Variants in LMLN observed in about 807,000 individuals in gnomAD.
LMLN encodes leishmanolysin-like peptidase.
In LMLN, 70 loss-of-function variants were observed where a neutral mutation model predicts 92.3. The observed-to-expected ratio is 0.76, with a 90% confidence interval of 0.63 to 0.92. LMLN has a LOEUF of 0.92. Among genes scored for constraint, LMLN ranks in the 40% least tolerant of loss-of-function variants. The probability of loss-of-function intolerance (pLI) is 0.00; values close to 1 mark genes in which losing one functional copy is unlikely to be tolerated. For synonymous variants in LMLN, 308 were observed against 296.2 expected, an observed-to-expected ratio of 1.04 and a Z score of -0.41; for missense variants, 691 against 814.6, an observed-to-expected ratio of 0.85 and a Z score of 1.85.
chr3:198,017,127 A>C (rs1722661041), intron 11 of LMLN, among the ~76,000 whole-genome samples: 1 of 152,174 alleles, frequency 6.6e-6, no homozygotes, highest in Admixed American at 6.6e-5. Context: ...AAAAACAAAA[A>C]ATCGACAAGG....
At chr3:198,021,450 T>C in exon 13 of LMLN, 1 of 1,613,952 alleles carries the variant, frequency 6.2e-7, no homozygotes, top group East Asian at 2.2e-5. Context: ...CTGCAGTACT[T>C]TGATGAACTC....
At chr3:198,006,314 C>T (rs1722292479) in intron 11 of LMLN, among the ~76,000 whole-genome samples, 1 of 152,134 alleles carries the variant, frequency 6.6e-6, no homozygotes, top group African/African-American at 2.4e-5. Context: ...TTTAAACATT[C>T]ACACTTTGAA....
At chr3:198,030,221 A>G (rs567962744) in intron 14 of LMLN, among the ~76,000 whole-genome samples, 13 of 152,294 alleles carry the variant, frequency 8.5e-5, no homozygotes, top group African/African-American at 2.9e-4. Flanking sequence ...GACTTTGGAA[A>G]ATAAGAATTT....
intron 12 of LMLN, 35 bp from the exon 14 acceptor site, chr3:198,021,408 TTTC>T (rs1722778947): frequency 6.3e-7 from 1 of 1,597,828 alleles, no homozygotes; most frequent in Non-Finnish European, 8.6e-7. Context: ...ATACAGAATG[TTTC>T]TTACTTTCTT....
intron 10 of LMLN, among the ~76,000 whole-genome samples, chr3:197,997,244 C>T (rs1332180701): frequency 2.0e-5 from 3 of 152,094 alleles, no homozygotes; most frequent in Non-Finnish European, 2.9e-5. Flanking sequence ...CTTCTCTCAC[C>T]TCAGCCTACT....
intron 11 of LMLN, among the ~76,000 whole-genome samples, chr3:198,017,894 C>T (rs1257079562): frequency 5.3e-5 from 8 of 152,018 alleles, no homozygotes; most frequent in Admixed American, 3.3e-4. Context: ...TCCAGCCTGG[C>T]GACAGAGCAA....
At chr3:198,011,465 A>G (rs1169256010) in intron 11 of LMLN, among the ~76,000 whole-genome samples, 1 of 151,792 alleles carries the variant, frequency 6.6e-6, no homozygotes, top group African/African-American at 2.4e-5. Context: ...ATCCTTTTTT[A>G]TGGCTGCATA....
At position 197,976,807 on chromosome 3, in the gene LMLN, G is replaced by C. The variant is rs764124082; in HGVS notation, c.549+92G>C. On this transcript the variant is annotated intron_variant, in intron 5 of 15. Coordinates refer to ENST00000330198, the Ensembl canonical transcript of LMLN. ...AATTTTTACAGATTCAAGTTCAAAG[G>C]CTTAGTAGCTTCCTTGGTCTACAAA... is the stretch of plus-strand genomic sequence containing the variant. 2.2e-5 allele frequency: 12 copies of C among 540,834 alleles called. No individual in the cohort carries two copies. The East Asian group carries it at 3.7e-4, about 17-fold the overall frequency. 33.5% of individuals were successfully genotyped at this position (540,834 alleles called of 1,614,324 possible).
intron 10 of LMLN, among the ~76,000 whole-genome samples, chr3:197,996,892 C>A (rs1474071274): frequency 6.6e-6 from 1 of 152,224 alleles, no homozygotes; most frequent in Non-Finnish European, 1.5e-5. Context: ...AGCAGTCCTC[C>A]TGCCTCAGCC....
chr3:198,020,681 C>T (rs535452736), intron 12 of LMLN, among the ~76,000 whole-genome samples: 1 of 151,524 alleles, frequency 6.6e-6, no homozygotes, highest in East Asian at 1.9e-4. Flanking sequence ...TCAACCTCTG[C>T]CTCCCAGGTT....
chr3:198,034,467 T>TG (rs1230748163), intron 14 of LMLN, among the ~76,000 whole-genome samples: 1 of 151,978 alleles, frequency 6.6e-6, no homozygotes, highest in Non-Finnish European at 1.5e-5. Flanking sequence ...AAAATTTAGC[T>TG]GGGTGTGGTA....
At chr3:197,965,046 C>T (rs1721015485) in intron 1 of LMLN, among the ~76,000 whole-genome samples, 1 of 151,628 alleles carries the variant, frequency 6.6e-6, no homozygotes, top group Non-Finnish European at 1.5e-5. Context: ...ACAAGGTGTC[C>T]CTCTGTCACC....
chr3:198,038,210 T>C (rs575669795), intron 15 of LMLN: 2 of 227,328 alleles, frequency 8.8e-6, no homozygotes, highest in African/African-American at 4.6e-5. Context: ...TGATAAATTA[T>C]ATGGTCACCC....
Position 197,979,514 on chromosome 3 carries a change from A to G in LMLN, c.550-812A>G, listed in dbSNP as rs184927878. 3.0e-3 allele frequency among the ~76,000 whole-genome samples: 464 copies of G among 152,212 alleles called. 1 individual carries two copies. The highest frequency in any genetic ancestry group is 0.01 in the African/African-American group (436 of 41,534). On this transcript the variant is annotated intron_variant, in intron 5 of 15. Transcript: ENST00000330198. ...TGGTCAATATAGTGAGACCCCGTCT[A>G]TATATATTTAAAAAATTTTTAGGCT...
At chr3:197,968,171 A>G (rs1021047635) in intron 1 of LMLN, among the ~76,000 whole-genome samples, 2 of 152,198 alleles carry the variant, frequency 1.3e-5, no homozygotes, top group Non-Finnish European at 2.9e-5. Context: ...CAGGCGTAAG[A>G]AGTTATAAGA....
intron 8 of LMLN, among the ~76,000 whole-genome samples, chr3:197,988,563 G>A (rs1229719388): frequency 4.1e-5 from 6 of 145,848 alleles, no homozygotes; most frequent in South Asian, 2.2e-4. Flanking sequence ...TCATGATCAC[G>A]GCTTACTGCA....
At chr3:197,984,271 G>T (rs1253445139) in intron 7 of LMLN, among the ~76,000 whole-genome samples, 2 of 152,054 alleles carry the variant, frequency 1.3e-5, no homozygotes. Context: ...GGAGGCTGAG[G>T]TGGGAGGATG....
intron 5 of LMLN, among the ~76,000 whole-genome samples, chr3:197,977,646 A>G (rs1344345539): frequency 6.6e-6 from 1 of 152,158 alleles, no homozygotes; most frequent in Non-Finnish European, 1.5e-5. Flanking sequence ...ATCTGGATAC[A>G]TATAAAAATC....
At position 197,999,572 on chromosome 3, in the gene LMLN, G is replaced by A. The variant is rs1228992916; in HGVS notation, c.1232+230G>A. On this transcript the variant is annotated intron_variant, in intron 11 of 15. Transcript: ENST00000330198. ...TAAAATAGGGTCTCACTCCTTCTGC[G>A]CAGGCTGGAGTGCAGTGGCAATCTG... 2.2e-4 allele frequency: 110 copies of A among 502,466 alleles called. No homozygotes were observed. In the East Asian group the frequency reaches 3.2e-3, roughly 15 times the overall value. The allele number at this position is 502,466 out of a possible 1,614,324, so 31.1% of individuals were successfully genotyped here.
Sources: gnomAD v4.1 joint callset for allele counts (sites outside exome capture counted in the v4.1 genomes callset) on GRCh38, gnomAD v4.1.1 for gene constraint, MANE v1.5 for transcripts, NCBI Gene and HGNC (gene_info 2026-07-23, HGNC 2026-07-21) for gene names.